The following RAD52 variants were observed in gnomAD, a reference collection of about 807,000 sequenced individuals.
The protein encoded by RAD52 is DNA repair protein RAD52 homolog.
In RAD52, 47 loss-of-function variants were observed where a neutral mutation model predicts 55.5. The ratio of observed to expected loss-of-function variants is 0.85; its 90% CI spans 0.67 to 1.08. The LOEUF (loss-of-function observed/expected upper bound fraction) is 1.08, where lower values mean the gene tolerates loss of function less well. Ranked by LOEUF, RAD52 falls within the 50% of genes least tolerant of loss-of-function variation. The pLI is 0.00. For missense variants in RAD52, 468 were observed against 522.8 expected, an observed-to-expected ratio of 0.90 and a Z score of 1.02; for synonymous variants, 184 against 198.9, an observed-to-expected ratio of 0.92 and a Z score of 0.63.
Position 916,375 on chromosome 12 carries a change from T to C in RAD52, c.834A>G (p.Arg278=). The C allele has an allele frequency of 6.2e-7, 1 of 1,608,270 alleles. No homozygotes were observed. Among genetic ancestry groups the C allele is most frequent in the Non-Finnish European group, 8.5e-7 (1 of 1,179,880 alleles). ...FRERMEKQQV[R]VSTPSAEKSE... Reference sequence around the variant, plus strand: ...TCTTCTCAGCTGACGGCGTGGAGACTCGAACCTGCTGCTTCTCCATCCGCT... The same window carrying C: ...TCTTCTCAGCTGACGGCGTGGAGACCCGAACCTGCTGCTTCTCCATCCGCT... Residue 278 remains arginine, a synonymous_variant, in exon 9 of 12, where the codon CGA becomes CGG. Coordinates refer to ENST00000358495, the MANE Select transcript of RAD52 (RefSeq NM_134424.4).
At chr12:928,993 T>G (rs1957188020) in intron 5 of RAD52, among the ~76,000 whole-genome samples, 1 of 152,020 alleles carries the variant, frequency 6.6e-6, no homozygotes, top group Non-Finnish European at 1.5e-5. Flanking sequence ...GCCTCTTGAG[T>G]AGCTAGGACT....
Position 929,817 on chromosome 12 carries a change from A to C in RAD52, c.348+2T>G, listed in dbSNP as rs751053484. 1 of 1,612,898 alleles carries C rather than the reference A, an allele frequency of 6.2e-7. No homozygotes were observed. Among genetic ancestry groups the C allele is most frequent in the South Asian group, 1.1e-5 (1 of 91,044 alleles). On this transcript the variant is annotated splice_donor_variant, in intron 5 of 11. Transcript: ENST00000358495. LOFTEE classifies it high-confidence loss of function. ...GGCAGCAGGTCTACTCCATCCCCTCACCTTCAGCTGGACCCTCACAAATGC... is the reference window on the plus strand; with the variant it reads ...GGCAGCAGGTCTACTCCATCCCCTCCCCTTCAGCTGGACCCTCACAAATGC...
At position 912,445 on chromosome 12, in the gene RAD52, A is replaced by G. The variant is rs138812304; in HGVS notation, c.*946T>C. 9.0e-4 allele frequency: 179 copies of G among 199,880 alleles called. 1 individual carries two copies. The highest frequency in any genetic ancestry group is 4.9e-3 in the Middle Eastern group (3 of 618). The allele number at this position is 199,880 out of a possible 1,614,324, so 12.4% of individuals were successfully genotyped here. ...CGTTCAGACTTGGGTCCCATCCCCA[A>G]GGTCTCATTATGTGTATACAAATAT... On this transcript the variant is annotated 3_prime_UTR_variant, in exon 12 of 12. Transcript: ENST00000358495.
intron 1 of RAD52, among the ~76,000 whole-genome samples, chr12:934,264 T>C (rs1894747): frequency 0.99 from 150,389 of 151,860 alleles, 74,485 homozygotes; most frequent in South Asian, 1. Context: ...GTCAGGAGTT[T>C]GAGACCAGCC....
At chr12:932,879 C>T in intron 2 of RAD52, 96 bp downstream of exon 2, 8 of 954,442 alleles carry the variant, frequency 8.4e-6, no homozygotes, top group Non-Finnish European at 1.3e-5. Flanking sequence ...GTACTAGGTA[C>T]TGCTCACACA....
chr12:915,384 G>A (rs376615570), intron 9 of RAD52, among the ~76,000 whole-genome samples: 4 of 152,280 alleles, frequency 2.6e-5, no homozygotes, highest in African/African-American at 9.6e-5. Flanking sequence ...GGTGCTGAGG[G>A]GCATATGAAT....
chr12:972,945 T>G (rs1958883957), intron 1 of RAD52, among the ~76,000 whole-genome samples: 1 of 152,064 alleles, frequency 6.6e-6, no homozygotes, highest in Admixed American at 6.6e-5. Context: ...TCCTAAGAAT[T>G]TGGATTTTAC....
intron 3 of RAD52, among the ~76,000 whole-genome samples, chr12:930,447 G>A (rs11571419): frequency 9.9e-5 from 15 of 151,974 alleles, no homozygotes; most frequent in East Asian, 3.8e-4. Flanking sequence ...GATGGAGCCC[G>A]CGAGAACGAA....
intron 1 of RAD52, among the ~76,000 whole-genome samples, chr12:964,965 G>GGCTT (rs1555181837): frequency 1.2e-4 from 18 of 151,264 alleles, no homozygotes; most frequent in South Asian, 2.1e-4. Flanking sequence ...CCGCCTGCCT[G>GGCTT]CCTTCCTTCC....
At chr12:927,813 C>A (rs896550969) in intron 5 of RAD52, among the ~76,000 whole-genome samples, 1 of 151,930 alleles carries the variant, frequency 6.6e-6, no homozygotes, top group Non-Finnish European at 1.5e-5. Flanking sequence ...TTGCAGTGAG[C>A]CGAGATTGCA....
upstream of RAD52, among the ~76,000 whole-genome samples, chr12:950,719 T>C (rs11571372): frequency 6.6e-6 from 1 of 150,470 alleles, no homozygotes; most frequent in Non-Finnish European, 1.5e-5. Context: ...AGCCCACTTA[T>C]CATTCTTTTT....
chr12:989,983 A>T (rs535599872), exon 1 of RAD52: 1 of 152,366 alleles, frequency 6.6e-6, no homozygotes, highest in African/African-American at 2.4e-5. Context: ...TGTGGGAAGT[A>T]CTGAAGGGGG....
rs191382894 is a variant in RAD52 at position 965,811 on chromosome 12, T to C, written c.-19+23998A>G. Among the ~76,000 whole-genome samples the C allele has an allele frequency of 5.9e-5, 9 of 152,024 alleles. No individual in the cohort carries two copies. The East Asian group carries it at 9.7e-4, about 16-fold the overall frequency. On this transcript the variant is annotated intron_variant, in intron 1 of 11. Coordinates refer to the RAD52 transcript ENST00000430095. Reference sequence around the variant, plus strand: ...AGTGATTTTTCATGCCTCAGCCTCCTAAGTAGCTGGGATTACACATATGCA... The same window carrying C: ...AGTGATTTTTCATGCCTCAGCCTCCCAAGTAGCTGGGATTACACATATGCA...
chr12:961,508 GGGCC>G (rs1958685743), intron 1 of RAD52, among the ~76,000 whole-genome samples: 1 of 151,796 alleles, frequency 6.6e-6, no homozygotes. Context: ...GCATTAGGGT[GGGCC>G]CTAATCTAAC....
chr12:974,361 G>GT (rs1565711663), intron 1 of RAD52: 3 of 152,144 alleles, frequency 2.0e-5, no homozygotes, highest in South Asian at 2.1e-4. Context: ...TAAAAGGCAG[G>GT]TTTTTTTCTT....
At chr12:961,965 G>C (rs1326394422) in intron 1 of RAD52, among the ~76,000 whole-genome samples, 1 of 152,136 alleles carries the variant, frequency 6.6e-6, no homozygotes, top group Non-Finnish European at 1.5e-5. Flanking sequence ...GTGAGAAGGT[G>C]GCCATCTGTA....
chr12:966,394 G>A (rs1191579519), intron 1 of RAD52, among the ~76,000 whole-genome samples: 1 of 152,018 alleles, frequency 6.6e-6, no homozygotes, highest in Non-Finnish European at 1.5e-5. Context: ...GGACCCTGAG[G>A]TGACCTCGAG....
intron 1 of RAD52, among the ~76,000 whole-genome samples, chr12:971,792 G>T (rs938518636): frequency 2.1e-4 from 32 of 151,852 alleles, no homozygotes; most frequent in African/African-American, 7.0e-4. Context: ...CTGTCGCCCA[G>T]GCTGGAGTGC....
In RAD52 at chr12:912,271, C is replaced by T. The variant is rs1956130987; in HGVS notation, c.*1120G>A. On this transcript the variant is annotated 3_prime_UTR_variant, in exon 12 of 12. Transcript: ENST00000358495. The stretch of plus-strand genomic sequence containing the variant: ...TGACCTCGTGTGACAAGTCGCAAAG[C>T]ACCAGGCATACAACAGTTTATGCAG... 5.1e-6 allele frequency: 1 copy of T among 197,514 alleles called. No individual in the cohort carries two copies. Among genetic ancestry groups the T allele is most frequent in the Non-Finnish European group, 1.0e-5 (1 of 95,366 alleles). 12.2% of individuals were successfully genotyped at this position (197,514 alleles called of 1,614,324 possible).
Sources: gnomAD v4.1 joint callset for allele counts (sites outside exome capture counted in the v4.1 genomes callset) on GRCh38, gnomAD v4.1.1 for gene constraint, MANE v1.5 for transcripts, NCBI Gene and HGNC (gene_info 2026-07-23, HGNC 2026-07-21) for gene names.